Variants in SMAD3 observed in about 807,000 individuals in gnomAD.
SMAD3 encodes MAD homolog 3.
SMAD3 carries 12 observed loss-of-function variants against 51.8 expected under a neutral mutation model. The ratio of observed to expected loss-of-function variants is 0.23; its 90% CI spans 0.15 to 0.38. The LOEUF is 0.38. Ranked by LOEUF, SMAD3 falls within the 10% of genes least tolerant of loss-of-function variation. The pLI is 1.00. For synonymous variants in SMAD3, 238 were observed against 227.7 expected, an observed-to-expected ratio of 1.05 and a Z score of -0.41; for missense variants, 294 against 565.6, an observed-to-expected ratio of 0.52 and a Z score of 4.87.
rs530902194 is a variant in SMAD3, at chr15:67,107,789, A to G, written c.206+41429A>G. On this transcript the variant is annotated intron_variant, in intron 1 of 8. Coordinates refer to ENST00000327367, the MANE Select transcript of SMAD3 (RefSeq NM_005902.4). Reference sequence around the variant, plus strand: ...GAGGAGGAGCCATTTGATTTTGACTATTGTTGAAATTGAGTGGGGAATTTT... The same window carrying G: ...GAGGAGGAGCCATTTGATTTTGACTGTTGTTGAAATTGAGTGGGGAATTTT... Among the ~76,000 whole-genome samples the G allele has an allele frequency of 5.3e-5, 8 of 152,048 alleles. No homozygotes were observed. In the East Asian group the frequency reaches 7.7e-4, roughly 15 times the overall value.
At chr15:67,121,651 A>G (rs1961266310) in intron 1 of SMAD3, among the ~76,000 whole-genome samples, 1 of 152,136 alleles carries the variant, frequency 6.6e-6, no homozygotes, top group East Asian at 1.9e-4. Flanking sequence ...ACCTTCAGCC[A>G]TTTAGTCTAT....
chr15:67,072,303 G>A (rs1414024694), intron 1 of SMAD3, among the ~76,000 whole-genome samples: 1 of 152,164 alleles, frequency 6.6e-6, no homozygotes, highest in Non-Finnish European at 1.5e-5. Context: ...ATTATTCTGC[G>A]TGAGCTCCTT....
At chr15:67,089,794 T>C (rs1960472520) in intron 1 of SMAD3, among the ~76,000 whole-genome samples, 1 of 152,258 alleles carries the variant, frequency 6.6e-6, no homozygotes, top group African/African-American at 2.4e-5. Flanking sequence ...AAGTGGGTGC[T>C]AGTCTGGATG....
At chr15:67,107,972 C>A (rs541983896) in intron 1 of SMAD3, among the ~76,000 whole-genome samples, 114 of 138,970 alleles carry the variant, frequency 8.2e-4, no homozygotes, top group Admixed American at 2.0e-3. Flanking sequence ...CTCTCCCCCC[C>A]ACCCCCCCAC....
intron 1 of SMAD3, among the ~76,000 whole-genome samples, chr15:67,100,329 G>A (rs1157954719): frequency 2.0e-5 from 3 of 152,094 alleles, no homozygotes; most frequent in African/African-American, 7.2e-5. Flanking sequence ...CAAATTCACA[G>A]AGACAGAAAG....
chr15:67,101,781 T>C (rs6494630), intron 1 of SMAD3, among the ~76,000 whole-genome samples: 146,898 of 152,290 alleles, frequency 0.96, 71,075 homozygotes, highest in South Asian at 1. Flanking sequence ...TGAATGTGAA[T>C]GATATTTCTG....
intron 1 of SMAD3, among the ~76,000 whole-genome samples, chr15:67,105,862 G>C (rs1960865808): frequency 6.6e-6 from 1 of 152,156 alleles, no homozygotes; most frequent in Non-Finnish European, 1.5e-5. Flanking sequence ...TCTTGCTTGA[G>C]CATGTCCTGA....
intron 1 of SMAD3, among the ~76,000 whole-genome samples, chr15:67,067,545 T>C (rs4776338): frequency 0.48 from 72,729 of 151,992 alleles, 17,823 homozygotes; most frequent in South Asian, 0.71. Flanking sequence ...TCATCCCTGC[T>C]CCTGGGCCAG....
At chr15:67,122,342 C>CA (rs1029702584) in intron 1 of SMAD3, among the ~76,000 whole-genome samples, 1 of 152,210 alleles carries the variant, frequency 6.6e-6, no homozygotes, top group Non-Finnish European at 1.5e-5. Context: ...CTGTTCCCCC[C>CA]AGACCCTGTC....
chr15:67,097,755 G>A (rs954574274), intron 1 of SMAD3, among the ~76,000 whole-genome samples: 1 of 152,166 alleles, frequency 6.6e-6, no homozygotes, highest in Non-Finnish European at 1.5e-5. Context: ...TGAAGAATGA[G>A]GGGAGGAGGA....
At chr15:67,071,609 C>T (rs1960054841) in intron 1 of SMAD3, among the ~76,000 whole-genome samples, 1 of 152,156 alleles carries the variant, frequency 6.6e-6, no homozygotes, top group East Asian at 1.9e-4. Context: ...CAGGAGATCA[C>T]AACCATTCTG....
intron 1 of SMAD3, among the ~76,000 whole-genome samples, chr15:67,121,619 A>G (rs1291088017): frequency 6.6e-6 from 1 of 152,190 alleles, no homozygotes; most frequent in African/African-American, 2.4e-5. Flanking sequence ...TGACAAGAAC[A>G]TTTGTGAAGA....
At chr15:67,111,119 A>G (rs1414099651) in intron 1 of SMAD3, among the ~76,000 whole-genome samples, 1 of 152,226 alleles carries the variant, frequency 6.6e-6, no homozygotes, top group Non-Finnish European at 1.5e-5. Flanking sequence ...CAACACCACA[A>G]AAAGAAACCT....
At position 67,187,387 on chromosome 15, in the gene SMAD3, C is replaced by T; in HGVS notation, c.1032C>T (p.Asn344=). 1 of 1,614,192 alleles carries T rather than the reference C, an allele frequency of 6.2e-7. No individual in the cohort carries two copies. Among genetic ancestry groups the T allele is most frequent in the Non-Finnish European group, 8.5e-7 (1 of 1,180,038 alleles). The stretch of plus-strand genomic sequence containing the variant: ...CAGGATGCAACCTGAAGATCTTCAA[C>T]AACCAGGAGTTCGCTGCCCTCCTGG... The part of the protein sequence containing the change: ...IPPGCNLKIF[N]NQEFAALLAQ... Residue 344 remains asparagine, a synonymous_variant, in exon 8 of 9, where the codon AAC becomes AAT. Coordinates refer to ENST00000327367, the MANE Select transcript of SMAD3 (RefSeq NM_005902.4).
intron 1 of SMAD3, among the ~76,000 whole-genome samples, chr15:67,133,714 G>C (rs1961584909): frequency 6.6e-6 from 1 of 152,144 alleles, no homozygotes; most frequent in Non-Finnish European, 1.5e-5. Flanking sequence ...TCAAGGCCGT[G>C]GTTTGGGAGA....
chr15:67,085,710 G>T (rs576988948), intron 1 of SMAD3, among the ~76,000 whole-genome samples: 2 of 152,170 alleles, frequency 1.3e-5, no homozygotes, highest in South Asian at 4.1e-4. Context: ...TCTACAGGCC[G>T]GCCTGGGGAA....
At chr15:67,085,235 T>C (rs903632094) in intron 1 of SMAD3, among the ~76,000 whole-genome samples, 9 of 152,108 alleles carry the variant, frequency 5.9e-5, no homozygotes, top group Non-Finnish European at 1.0e-4. Context: ...GCTGTCACCA[T>C]AGGGGCTCCT....
chr15:67,095,721 CGTG>C (rs1566966412), intron 1 of SMAD3, among the ~76,000 whole-genome samples: 2 of 152,032 alleles, frequency 1.3e-5, no homozygotes, highest in Non-Finnish European at 2.9e-5. Flanking sequence ...TTTTAGTAGA[CGTG>C]GGGTTTCACC....
intron 1 of SMAD3, among the ~76,000 whole-genome samples, chr15:67,075,203 C>T (rs895600788): frequency 2.0e-5 from 3 of 152,194 alleles, no homozygotes; most frequent in Non-Finnish European, 4.4e-5. Context: ...TGAGTAGTTA[C>T]AAGTGGCTGA....
Sources: allele counts gnomAD v4.1 joint callset (sites outside exome capture counted in the v4.1 genomes callset), GRCh38; gene constraint gnomAD v4.1.1; transcripts MANE v1.5; gene names NCBI Gene and HGNC (gene_info 2026-07-23, HGNC 2026-07-21).